The following NRXN1 variants were observed in gnomAD, a reference collection of about 807,000 sequenced individuals.
NRXN1 encodes neurexin 1.
A neutral mutation model predicts 150.9 loss-of-function variants in NRXN1; 39 were observed. The ratio of observed to expected loss-of-function variants is 0.26; its 90% CI spans 0.20 to 0.34. NRXN1 has a LOEUF of 0.34. Ranked by LOEUF, NRXN1 falls within the 10% of genes least tolerant of loss-of-function variation. NRXN1 has a pLI of 1.00. For missense variants in NRXN1, 1,815 were observed against 1,949.9 expected, an observed-to-expected ratio of 0.93 and a Z score of 1.30; for synonymous variants, 924 against 757.0, an observed-to-expected ratio of 1.22 and a Z score of -3.62.
chr2:50,562,504 T>C (rs1000883212), intron 8 of NRXN1, among the ~76,000 whole-genome samples: 1 of 152,108 alleles, frequency 6.6e-6, no homozygotes, highest in Non-Finnish European at 1.5e-5. Flanking sequence ...AAAAAATTTC[T>C]CCAAGAGAGA....
chr2:50,207,896 G>C (rs1037113924), intron 18 of NRXN1, among the ~76,000 whole-genome samples: 4 of 152,060 alleles, frequency 2.6e-5, no homozygotes, highest in African/African-American at 9.7e-5. Flanking sequence ...TTTCCATGTA[G>C]AGTAGGAGGG....
intron 2 of NRXN1, among the ~76,000 whole-genome samples, chr2:51,012,222 C>T (rs1243511601): frequency 1.3e-5 from 2 of 151,900 alleles, no homozygotes; most frequent in African/African-American, 4.8e-5. Flanking sequence ...AATCTAAAGT[C>T]TTTTTTTAAA....
At chr2:50,496,523 C>T (rs1467548261) in intron 14 of NRXN1, among the ~76,000 whole-genome samples, 5 of 152,176 alleles carry the variant, frequency 3.3e-5, no homozygotes, top group Non-Finnish European at 7.3e-5. Flanking sequence ...ACATCCAGGT[C>T]AGATAGCCAC....
intron 5 of NRXN1, among the ~76,000 whole-genome samples, chr2:50,734,449 G>C (rs1210525446): frequency 6.6e-6 from 1 of 152,106 alleles, no homozygotes; most frequent in Non-Finnish European, 1.5e-5. Context: ...ATAGCCCTCA[G>C]TGTTGCACCG....
chr2:50,481,208 G>A (rs1422079972), intron 15 of NRXN1, among the ~76,000 whole-genome samples: 1 of 152,208 alleles, frequency 6.6e-6, no homozygotes, highest in Non-Finnish European at 1.5e-5. Context: ...TAAGTGGCAA[G>A]TGGCCAATAT....
chr2:50,294,877 G>C (rs2073377967), intron 17 of NRXN1, among the ~76,000 whole-genome samples: 2 of 152,280 alleles, frequency 1.3e-5, no homozygotes, highest in African/African-American at 4.8e-5. Context: ...TTACAAGTCT[G>C]TCCAGGTAAA....
chr2:50,579,915 T>G (rs1672000741), intron 8 of NRXN1, among the ~76,000 whole-genome samples: 1 of 152,154 alleles, frequency 6.6e-6, no homozygotes, highest in Non-Finnish European at 1.5e-5. Context: ...ATGAAAGGGT[T>G]ATATTTTCTG....
intron 18 of NRXN1, among the ~76,000 whole-genome samples, chr2:50,133,351 G>A (rs1411499735): frequency 6.6e-6 from 1 of 152,162 alleles, no homozygotes; most frequent in African/African-American, 2.4e-5. Flanking sequence ...GGTTTCAGAG[G>A]AGGTCTGAAG....
At chr2:50,245,837 A>G (rs1435190435) in intron 17 of NRXN1, among the ~76,000 whole-genome samples, 1 of 151,908 alleles carries the variant, frequency 6.6e-6, no homozygotes, top group African/African-American at 2.4e-5. Flanking sequence ...TACAAATAAC[A>G]AAACTGAGGC....
At chr2:50,034,720 T>G (rs974160323) in intron 21 of NRXN1, among the ~76,000 whole-genome samples, 2 of 152,052 alleles carry the variant, frequency 1.3e-5, no homozygotes, top group Non-Finnish European at 2.9e-5. Context: ...AGGAATGAAA[T>G]AATGCCAATA....
rs539566227 is a variant in NRXN1 at position 51,030,585 on chromosome 2, G to A, written c.-921-1391C>T. Among the ~76,000 whole-genome samples the A allele has an allele frequency of 4.0e-5, 6 of 150,508 alleles. No individual in the cohort carries two copies. In the South Asian group the frequency reaches 6.4e-4, roughly 16 times the overall value. On this transcript the variant is annotated intron_variant, in intron 1 of 22. Coordinates refer to ENST00000401669, the MANE Select transcript of NRXN1 (RefSeq NM_001330078.2). ...ACACACACACACAGTGTGGGTGTGC[G>A]CACATACACACTGCCCACTAGCAAA...
In NRXN1 at chr2:50,115,417, T is replaced by C. The variant is rs1702926970; in HGVS notation, c.3547-23923A>G. ...CAATGTTTCTTCAGCACAAACTGATTTTGGAATGATCGAAACAATGTATAT... is the reference window on the plus strand; with the variant it reads ...CAATGTTTCTTCAGCACAAACTGATCTTGGAATGATCGAAACAATGTATAT... On this transcript the variant is annotated intron_variant, in intron 18 of 22. Coordinates refer to ENST00000401669, the MANE Select transcript of NRXN1 (RefSeq NM_001330078.2). 2.0e-5 allele frequency among the ~76,000 whole-genome samples: 3 copies of C among 151,788 alleles called. No individual in the cohort carries two copies. In the South Asian group the frequency reaches 6.2e-4, roughly 32 times the overall value.
intron 5 of NRXN1, among the ~76,000 whole-genome samples, chr2:50,654,469 G>A (rs1686114385): frequency 1.3e-5 from 2 of 151,954 alleles, no homozygotes; most frequent in Non-Finnish European, 1.5e-5. Flanking sequence ...TTGCTATGGT[G>A]AGTAGTGCTG....
intron 2 of NRXN1, 60 bp downstream of exon 2, chr2:51,027,442 C>A (rs1670687258): frequency 1.4e-5 from 21 of 1,459,348 alleles, no homozygotes; most frequent in Middle Eastern, 2.4e-4. Flanking sequence ...CCAGCCCGGT[C>A]CCCTCCTCCC....
chr2:50,712,522 C>T (rs1416377707), intron 5 of NRXN1, among the ~76,000 whole-genome samples: 1 of 152,108 alleles, frequency 6.6e-6, no homozygotes, highest in Non-Finnish European at 1.5e-5. Context: ...TCCCCTGTGT[C>T]CTTATATATC....
At chr2:50,010,849 T>A (rs936663641) in intron 21 of NRXN1, among the ~76,000 whole-genome samples, 1 of 152,170 alleles carries the variant, frequency 6.6e-6, no homozygotes, top group Admixed American at 6.5e-5. Flanking sequence ...TCAAAATCAT[T>A]TCCATGTTAT....
At chr2:50,844,612 G>T (rs1673366569) in intron 5 of NRXN1, among the ~76,000 whole-genome samples, 1 of 152,196 alleles carries the variant, frequency 6.6e-6, no homozygotes, top group Admixed American at 6.5e-5. Flanking sequence ...TAGTGGGAAA[G>T]ACTGTTCTAG....
At chr2:50,928,932 C>G (rs7578780) in intron 2 of NRXN1, among the ~76,000 whole-genome samples, 56,453 of 151,862 alleles carry the variant, frequency 0.37, 11,292 homozygotes, top group Non-Finnish European at 0.46. Context: ...GCTTTCTTTT[C>G]ATTGGAAAAA....
intron 2 of NRXN1, among the ~76,000 whole-genome samples, chr2:50,981,104 G>A (rs1013153360): frequency 2.0e-4 from 30 of 151,888 alleles, no homozygotes; most frequent in African/African-American, 7.2e-4. Flanking sequence ...GTTGAGGCAG[G>A]AACTATCAGA....
Sources: allele counts gnomAD v4.1 joint callset (sites outside exome capture counted in the v4.1 genomes callset), GRCh38; gene constraint gnomAD v4.1.1; transcripts MANE v1.5; gene names NCBI Gene and HGNC (gene_info 2026-07-23, HGNC 2026-07-21).